Variants in PRRX1 observed in about 807,000 individuals in gnomAD.
The protein encoded by PRRX1 is paired related homeobox 1, also known as paired mesoderm homeobox protein 1.
In PRRX1, 8 loss-of-function variants were observed where a neutral mutation model predicts 24.0. That is an observed-to-expected ratio of 0.33 (90% CI 0.20 to 0.60). The LOEUF (loss-of-function observed/expected upper bound fraction) is 0.60, where lower values mean the gene tolerates loss of function less well. Ranked by LOEUF, PRRX1 falls within the 20% of genes least tolerant of loss-of-function variation. The probability of loss-of-function intolerance (pLI) is 0.82; values close to 1 mark genes in which losing one functional copy is unlikely to be tolerated. For synonymous variants in PRRX1, 160 were observed against 131.7 expected (o/e 1.22, Z -1.47); for missense variants, 281 against 322.4 (o/e 0.87, Z 0.98).
chr1:170,664,513 A>G lies in PRRX1; in HGVS notation c.241+54A>G, dbSNP rs909134824. On this transcript the variant is annotated intron_variant, in intron 1 of 3. Transcript: ENST00000239461. ...TGTGTGCCCGGGACAGAGGGCGGGG[A>G]CCCGTGTAGGGCAGCTAGAGCCCGT... 5 of 1,556,210 alleles carry G rather than the reference A, an allele frequency of 3.2e-6. No homozygotes were observed. The African/African-American group carries it at 5.4e-5, about 17-fold the overall frequency.
At chr1:170,720,201 C>T (rs1655035583) in intron 2 of PRRX1, among the ~76,000 whole-genome samples, 1 of 152,116 alleles carries the variant, frequency 6.6e-6, no homozygotes, top group South Asian at 2.1e-4. Context: ...TTGCTTGAGC[C>T]TGGGGGGTGG....
intron 1 of PRRX1, among the ~76,000 whole-genome samples, chr1:170,684,725 C>T (rs1653672210): frequency 6.6e-6 from 1 of 152,154 alleles, no homozygotes; most frequent in African/African-American, 2.4e-5. Flanking sequence ...TGCATTCCAG[C>T]CTGGACAACA....
chr1:170,730,363 G>A, intron 3 of PRRX1: 3 of 1,594,568 alleles, frequency 1.9e-6, no homozygotes, highest in African/African-American at 1.3e-5. Context: ...CTTGTCAGAG[G>A]GGGAAGAGGG....
chr1:170,666,644 G>A (rs1434771400), intron 1 of PRRX1, among the ~76,000 whole-genome samples: 3 of 152,130 alleles, frequency 2.0e-5, no homozygotes, highest in Admixed American at 1.3e-4. Context: ...ATGCTGCTTT[G>A]CCCTATGAGG....
chr1:170,716,473 A>G (rs1198981999), intron 1 of PRRX1, among the ~76,000 whole-genome samples: 1 of 151,762 alleles, frequency 6.6e-6, no homozygotes, highest in African/African-American at 2.4e-5. Flanking sequence ...AGTCCCAGCT[A>G]CTCGGGAGGC....
At chr1:170,722,871 G>T (rs1474312732) in intron 2 of PRRX1, among the ~76,000 whole-genome samples, 1 of 152,120 alleles carries the variant, frequency 6.6e-6, no homozygotes, top group African/African-American at 2.4e-5. Flanking sequence ...GGAAATATCC[G>T]GTGTGAATAT....
Position 170,736,241 on chromosome 1 carries a change from A to G in PRRX1, c.*55A>G, listed in dbSNP as rs1655598661. ...AGAAATCAAAAACCATAAGACACCT[A>G]TCCTGCTCTGTTATTTCTTCATCTG... On this transcript the variant is annotated 3_prime_UTR_variant, in exon 4 of 4. Coordinates refer to ENST00000239461, the MANE Select transcript of PRRX1 (RefSeq NM_022716.4). The G allele has an allele frequency of 6.2e-7, 1 of 1,600,572 alleles. No homozygotes were observed. Among genetic ancestry groups the G allele is most frequent in the Admixed American group, 1.7e-5 (1 of 59,692 alleles).
At chr1:170,692,315 T>C (rs1654015438) in intron 1 of PRRX1, among the ~76,000 whole-genome samples, 1 of 152,112 alleles carries the variant, frequency 6.6e-6, no homozygotes, top group South Asian at 2.1e-4. Flanking sequence ...TTCAATACTT[T>C]TGATTAAATT....
At chr1:170,674,907 A>G (rs1451199739) in intron 1 of PRRX1, among the ~76,000 whole-genome samples, 1 of 152,188 alleles carries the variant, frequency 6.6e-6, no homozygotes, top group Non-Finnish European at 1.5e-5. Context: ...TTGGTGTTAA[A>G]ATATTTTCTC....
intron 1 of PRRX1, among the ~76,000 whole-genome samples, chr1:170,685,196 C>G (rs1277933847): frequency 1.3e-5 from 2 of 152,122 alleles, no homozygotes; most frequent in African/African-American, 4.8e-5. Context: ...TATTAATGAT[C>G]TGAAATAAGG....
intron 3 of PRRX1, among the ~76,000 whole-genome samples, chr1:170,729,907 A>G (rs1287626162): frequency 6.6e-6 from 1 of 152,238 alleles, no homozygotes; most frequent in Non-Finnish European, 1.5e-5. Context: ...AAGCACCAGA[A>G]TTATTCAGAC....
chr1:170,682,318 G>A (rs938352387), intron 1 of PRRX1, among the ~76,000 whole-genome samples: 5 of 95,434 alleles, frequency 5.2e-5, no homozygotes, highest in Non-Finnish European at 1.0e-4. Flanking sequence ...AGTCACCCTT[G>A]ATAGTATTAT....
At position 170,692,745 on chromosome 1, in the gene PRRX1, A is replaced by T. The variant is rs551112920; in HGVS notation, c.242-26981A>T. ...CTCTCTCTCTCTCTCTCTCTCTCAC[A>T]CACACACACACACACACAGACACAC... is the stretch of plus-strand genomic sequence containing the variant. On this transcript the variant is annotated intron_variant, in intron 1 of 3. Coordinates refer to ENST00000239461, the MANE Select transcript of PRRX1 (RefSeq NM_022716.4). Among the ~76,000 whole-genome samples the T allele has an allele frequency of 3.5e-3, 525 of 148,760 alleles. 4 individuals are homozygous for T. The highest frequency in any genetic ancestry group is 0.011 in the African/African-American group (441 of 40,276).
At chr1:170,701,238 T>G (rs1157918262) in intron 1 of PRRX1, among the ~76,000 whole-genome samples, 1 of 152,186 alleles carries the variant, frequency 6.6e-6, no homozygotes, top group African/African-American at 2.4e-5. Context: ...TCCATTATCT[T>G]ACATAACTCA....
At chr1:170,680,851 A>G (rs11576746) in intron 1 of PRRX1, among the ~76,000 whole-genome samples, 16,405 of 152,234 alleles carry the variant, frequency 0.11, 1,359 homozygotes, top group African/African-American at 0.22. Context: ...TATTGCTTCC[A>G]TAGAAAGACA....
chr1:170,695,618 GT>G (rs1654140591), intron 1 of PRRX1, among the ~76,000 whole-genome samples: 2 of 152,106 alleles, frequency 1.3e-5, no homozygotes, highest in Non-Finnish European at 1.5e-5. Flanking sequence ...CCAGGCTTGA[GT>G]TTTTGCAACT....
intron 1 of PRRX1, among the ~76,000 whole-genome samples, chr1:170,696,846 C>T (rs1017332022): frequency 2.7e-4 from 41 of 152,126 alleles, no homozygotes; most frequent in Non-Finnish European, 4.4e-5. Flanking sequence ...TAATTTAGCT[C>T]GGCTCATTCC....
intron 1 of PRRX1, among the ~76,000 whole-genome samples, chr1:170,680,116 T>G (rs199826738): frequency 4.6e-5 from 7 of 152,180 alleles, no homozygotes; most frequent in Admixed American, 1.3e-4. Flanking sequence ...ATCTCAAATA[T>G]CCCCTTTTAA....
chr1:170,694,863 T>C (rs1654114106), intron 1 of PRRX1, among the ~76,000 whole-genome samples: 1 of 152,188 alleles, frequency 6.6e-6, no homozygotes, highest in South Asian at 2.1e-4. Context: ...CTAAGGATTT[T>C]GTTGTTTTTA....
Sources: allele counts gnomAD v4.1 joint callset (sites outside exome capture counted in the v4.1 genomes callset), GRCh38; gene constraint gnomAD v4.1.1; transcripts MANE v1.5; gene names NCBI Gene and HGNC (gene_info 2026-07-23, HGNC 2026-07-21).